The following BCL2 variants were observed in gnomAD, a reference collection of about 807,000 sequenced individuals.
BCL2 encodes the protein apoptosis regulator Bcl-2.
Under a neutral mutation model 14.2 loss-of-function variants are expected in BCL2, and 1 was observed. That is an observed-to-expected ratio of 0.07 (90% CI 0.02 to 0.33). The LOEUF (loss-of-function observed/expected upper bound fraction) is 0.33, where lower values mean the gene tolerates loss of function less well. Ranked by LOEUF, BCL2 falls within the 10% of genes least tolerant of loss-of-function variation. BCL2 has a pLI of 0.99. For synonymous variants in BCL2, 151 were observed against 137.2 expected (o/e 1.10, Z -0.70); for missense variants, 247 against 305.9 (o/e 0.81, Z 1.44).
At chr18:63,161,073 G>A (rs1348698870) in intron 2 of BCL2, among the ~76,000 whole-genome samples, 2 of 152,116 alleles carry the variant, frequency 1.3e-5, no homozygotes, top group African/African-American at 4.8e-5. Context: ...ATGGTACCCT[G>A]AGGTGATCCT....
chr18:63,174,891 A>G (rs1015893370), intron 2 of BCL2, among the ~76,000 whole-genome samples: 2 of 151,780 alleles, frequency 1.3e-5, no homozygotes, highest in African/African-American at 4.8e-5. Flanking sequence ...ATCTCCCCCA[A>G]AACACTAAAT....
chr18:63,302,873 CTG>C, intron 2 of BCL2: 3 of 985,340 alleles, frequency 3.0e-6, no homozygotes, highest in Non-Finnish European at 3.6e-6. Flanking sequence ...TATGGAAACA[CTG>C]TGCTGTTCTG....
chr18:63,209,602 G>A (rs116771157), intron 2 of BCL2, among the ~76,000 whole-genome samples: 175 of 152,284 alleles, frequency 1.1e-3, no homozygotes, highest in African/African-American at 4.1e-3. Context: ...TGAAATGGTG[G>A]GGGATTCTCC....
chr18:63,141,594 G>A (rs1914363132), intron 2 of BCL2, among the ~76,000 whole-genome samples: 1 of 152,226 alleles, frequency 6.6e-6, no homozygotes. Context: ...GTAGGGAGCA[G>A]GTGGGAAGCT....
chr18:63,138,364 G>A (rs1302611832), intron 2 of BCL2, among the ~76,000 whole-genome samples: 1 of 152,246 alleles, frequency 6.6e-6, no homozygotes, highest in Non-Finnish European at 1.5e-5. Context: ...AGTCTAGAGG[G>A]TTCCGTCTGC....
chr18:63,279,212 G>T lies in BCL2; in HGVS notation c.585+38870C>A, dbSNP rs183846546. ...ATAAATGAGGTTACATCAAAATTAAGAAATTCTTTTCATCAAAAGATTCTG... is the reference window on the plus strand; with the variant it reads ...ATAAATGAGGTTACATCAAAATTAATAAATTCTTTTCATCAAAAGATTCTG... On this transcript the variant is annotated intron_variant, in intron 2 of 2. Coordinates refer to ENST00000333681, the MANE Select transcript of BCL2 (RefSeq NM_000633.3). Among the ~76,000 whole-genome samples the T allele has an allele frequency of 2.6e-5, 4 of 152,312 alleles. No individual in the cohort carries two copies. In the East Asian group the frequency reaches 7.7e-4, roughly 29 times the overall value.
At chr18:63,223,916 C>CA (rs1418896379) in intron 2 of BCL2, among the ~76,000 whole-genome samples, 1 of 151,814 alleles carries the variant, frequency 6.6e-6, no homozygotes, top group Non-Finnish European at 1.5e-5. Context: ...ACAGGAAAGA[C>CA]AGAGTTCAAA....
intron 2 of BCL2, among the ~76,000 whole-genome samples, chr18:63,246,753 T>G (rs1273926729): frequency 2.0e-5 from 3 of 152,214 alleles, no homozygotes. Flanking sequence ...TTATTGCCCA[T>G]GTGGCACCAT....
intron 2 of BCL2, among the ~76,000 whole-genome samples, chr18:63,290,381 G>GAA (rs113622230): frequency 0.018 from 2,782 of 150,578 alleles, 90 homozygotes; most frequent in African/African-American, 0.064. Flanking sequence ...AGAGAATCAG[G>GAA]AAAAAAAAAG....
intron 2 of BCL2, among the ~76,000 whole-genome samples, chr18:63,280,098 A>G (rs1334671103): frequency 6.6e-6 from 1 of 152,224 alleles, no homozygotes; most frequent in Admixed American, 6.5e-5. Context: ...ACATTTTGGT[A>G]TATTTATTAT....
At chr18:63,148,290 T>C (rs1914564891) in intron 2 of BCL2, among the ~76,000 whole-genome samples, 1 of 152,146 alleles carries the variant, frequency 6.6e-6, no homozygotes, top group African/African-American at 2.4e-5. Context: ...AGCCAGATGA[T>C]GTATACTTTT....
chr18:63,221,556 G>A (rs144491422), intron 2 of BCL2, among the ~76,000 whole-genome samples: 9 of 152,326 alleles, frequency 5.9e-5, no homozygotes, highest in East Asian at 3.9e-4. Flanking sequence ...TCAGACTCTC[G>A]CAAATGCTCC....
chr18:63,293,377 A>C (rs1409890832), intron 2 of BCL2, among the ~76,000 whole-genome samples: 1 of 152,228 alleles, frequency 6.6e-6, no homozygotes, highest in Non-Finnish European at 1.5e-5. Flanking sequence ...AACAATTTTC[A>C]GCATAGGAAA....
chr18:63,206,501 C>A (rs1177543541), intron 2 of BCL2, among the ~76,000 whole-genome samples: 3 of 152,172 alleles, frequency 2.0e-5, no homozygotes, highest in Non-Finnish European at 4.4e-5. Flanking sequence ...CTGTCTTCTG[C>A]GAGGCTGAAT....
chr18:63,208,576 G>T (rs1321040316), intron 2 of BCL2, among the ~76,000 whole-genome samples: 1 of 152,140 alleles, frequency 6.6e-6, no homozygotes, highest in Non-Finnish European at 1.5e-5. Context: ...GTTTCGTGTT[G>T]GGGGATGGTG....
chr18:63,300,708 A>C (rs187697477), intron 2 of BCL2, among the ~76,000 whole-genome samples: 2 of 152,318 alleles, frequency 1.3e-5, no homozygotes, highest in Admixed American at 6.5e-5. Context: ...CAGTGGCATC[A>C]TTAGGAATCA....
At chr18:63,307,835 G>A (rs1355201441) in intron 2 of BCL2, among the ~76,000 whole-genome samples, 1 of 152,228 alleles carries the variant, frequency 6.6e-6, no homozygotes, top group Non-Finnish European at 1.5e-5. Flanking sequence ...GAGGAAGGGA[G>A]GCTGGAAGAG....
intron 2 of BCL2, among the ~76,000 whole-genome samples, chr18:63,159,490 C>G (rs1340841215): frequency 1.3e-5 from 2 of 152,190 alleles, no homozygotes; most frequent in Non-Finnish European, 2.9e-5. Context: ...TTTCTCAAAA[C>G]TAGTACAAGT....
At chr18:63,270,825 A>ATTTTTTT (rs71162617) in intron 2 of BCL2, among the ~76,000 whole-genome samples, 1 of 148,578 alleles carries the variant, frequency 6.7e-6, no homozygotes, top group Non-Finnish European at 1.5e-5. Context: ...AACTTGAAGA[A>ATTTTTTT]TTTTTTTTTT....
Sources: allele counts gnomAD v4.1 joint callset (sites outside exome capture counted in the v4.1 genomes callset), GRCh38; gene constraint gnomAD v4.1.1; transcripts MANE v1.5; gene names NCBI Gene and HGNC (gene_info 2026-07-23, HGNC 2026-07-21).